ABCA10: variants seen among roughly 807,000 people sequenced by gnomAD.
The protein encoded by ABCA10 is ATP-binding cassette sub-family A member 10.
In ABCA10, 169 loss-of-function variants were observed where a neutral mutation model predicts 187.5. The observed-to-expected ratio is 0.90, with a 90% CI of 0.80 to 1.02. The LOEUF (loss-of-function observed/expected upper bound fraction) is 1.02. ABCA10 is among the 50% of genes least tolerant of loss of function. ABCA10 has a pLI of 0.00. For synonymous variants in ABCA10, 574 were observed against 601.8 expected (o/e 0.95, Z 0.68); for missense variants, 1,727 against 1,812.4 (o/e 0.95, Z 0.86).
At chr17:69,235,781 AG>A (rs201068782) in intron 1 of ABCA10, among the ~76,000 whole-genome samples, 113 of 146,096 alleles carry the variant, frequency 7.7e-4, no homozygotes, top group African/African-American at 1.6e-3. Flanking sequence ...TTTAAAAAAA[AG>A]AAAACAAAAA....
At chr17:69,208,040 G>T (rs1312140824) in intron 9 of ABCA10, among the ~76,000 whole-genome samples, 1 of 152,252 alleles carries the variant, frequency 6.6e-6, no homozygotes, top group Middle Eastern at 3.4e-3. Flanking sequence ...AATATATCAA[G>T]TTTTTGGCAA....
At chr17:69,175,286 G>A in intron 23 of ABCA10, 120 bp downstream of exon 23, 1 of 774,464 alleles carries the variant, frequency 1.3e-6, no homozygotes, top group Non-Finnish European at 2.0e-6. Context: ...ATATTAGATT[G>A]TAATGTATGT....
intron 29 of ABCA10, among the ~76,000 whole-genome samples, chr17:69,155,470 T>C (rs1244434840): frequency 6.6e-6 from 1 of 152,248 alleles, no homozygotes; most frequent in African/African-American, 2.4e-5. Flanking sequence ...TGCTATTCAG[T>C]TATTAATATT....
rs752079517 is a variant in ABCA10, at chr17:69,149,086, T to A, written c.4480A>T (p.Lys1494Ter). ...SRAFFKLEAM[K>*]QTFNLEEYSL... ...TATTCCTCCAGGTTGAAGGTCTGTTTCACTGCATGTAAAGAGACTGACATT... is the reference window on the plus strand; with the variant it reads ...TATTCCTCCAGGTTGAAGGTCTGTTACACTGCATGTAAAGAGACTGACATT... Residue 1494 changes from lysine (K) to a stop codon, truncating the protein, a stop_gained and splice_region_variant, in exon 38 of 39, where the codon AAA (lysine) becomes TAA (stop). Coordinates refer to ENST00000690296, the MANE Select transcript of ABCA10 (RefSeq NM_001377321.1). LOFTEE classifies it high-confidence loss of function. 6.8e-6 allele frequency: 11 copies of A among 1,613,820 alleles called. No homozygotes were observed. In the Admixed American group the frequency reaches 1.5e-4, roughly 22 times the overall value.
Position 69,164,115 on chromosome 17 carries a change from T to G in ABCA10, c.3322A>C (p.Ile1108Leu), listed in dbSNP as rs2074238413. Residue 1108 changes from isoleucine to leucine, a missense_variant, in exon 27 of 39, where the codon ATA becomes CTA. Physicochemically the swap from Ile to Leu is conservative, Grantham distance 5. Coordinates refer to ENST00000690296, the MANE Select transcript of ABCA10 (RefSeq NM_001377321.1). ...MRNLDSLDNRINEVNKTILLT... is the reference protein window; with the variant it reads ...MRNLDSLDNRLNEVNKTILLT... Reference sequence around the variant, plus strand: ...AGAATGGTTTTATTGACTTCATTTATTCTATTGTCCAGACTGTCCAAGTTT... The same window carrying G: ...AGAATGGTTTTATTGACTTCATTTAGTCTATTGTCCAGACTGTCCAAGTTT... The G allele has an allele frequency of 1.3e-5, 20 of 1,592,062 alleles. No homozygotes were observed. The highest frequency in any genetic ancestry group is 1.7e-5 in the Non-Finnish European group (20 of 1,172,776).
At chr17:69,169,218 C>A (rs977515940) in intron 25 of ABCA10, among the ~76,000 whole-genome samples, 1 of 152,154 alleles carries the variant, frequency 6.6e-6, no homozygotes, top group African/African-American at 2.4e-5. Flanking sequence ...AAGTGCCAGA[C>A]CACTGAGGAT....
In ABCA10 at chr17:69,221,781, T is replaced by C. The variant is rs1452744306; in HGVS notation, c.303+11A>G. Reference sequence around the variant, plus strand: ...CAGATTTAAAATATAGCTTTGAAGTTAGGCACTTACTTCTATAATTGCAGC... The same window carrying C: ...CAGATTTAAAATATAGCTTTGAAGTCAGGCACTTACTTCTATAATTGCAGC... On this transcript the variant is annotated intron_variant, in intron 5 of 38. Transcript: ENST00000690296. 1 of 1,593,890 alleles carries C rather than the reference T, an allele frequency of 6.3e-7. No individual in the cohort carries two copies. Among genetic ancestry groups the C allele is most frequent in the African/African-American group, 1.3e-5 (1 of 74,180 alleles).
At position 69,182,751 on chromosome 17, in the gene ABCA10, A is replaced by G; in HGVS notation, c.2555T>C (p.Ile852Thr). 1.9e-6 allele frequency: 3 copies of G among 1,612,458 alleles called. No individual in the cohort carries two copies. The highest frequency in any genetic ancestry group is 2.5e-6 in the Non-Finnish European group (3 of 1,179,258). The part of the protein sequence containing the change: ...SLKCQDIVLE[I>T]DDFRNRNGSD... ...GCCATTTCTGTTTCTAAAGTCATCT[A>G]TTTCCAAAACTATATCCTGACACTT... is the stretch of plus-strand genomic sequence containing the variant. Residue 852 changes from isoleucine to threonine, a missense_variant, in exon 21 of 39, where the codon ATA becomes ACA. Ile to Thr is a moderately conservative substitution (Grantham distance 89). Transcript: ENST00000690296.
intron 6 of ABCA10, among the ~76,000 whole-genome samples, chr17:69,216,597 C>T (rs1346083897): frequency 6.6e-6 from 1 of 152,032 alleles, no homozygotes; most frequent in African/African-American, 2.4e-5. Flanking sequence ...TGAGATAATG[C>T]TTTTGAAGAT....
intron 22 of ABCA10, among the ~76,000 whole-genome samples, chr17:69,181,268 A>C (rs2144788637): frequency 6.6e-6 from 1 of 152,322 alleles, no homozygotes; most frequent in Non-Finnish European, 1.5e-5. Context: ...GGTTTAAGAT[A>C]TCTCTGATAT....
chr17:69,231,875 C>A (rs1258500032), upstream of ABCA10, among the ~76,000 whole-genome samples: 1 of 152,068 alleles, frequency 6.6e-6, no homozygotes, highest in Admixed American at 6.6e-5. Context: ...TTATTTATTG[C>A]AGTATATTTG....
At position 69,165,006 on chromosome 17, in the gene ABCA10, T is replaced by C. The variant is rs1042201451; in HGVS notation, c.3240A>G (p.Ile1080Met). 6 of 1,613,150 alleles carry C rather than the reference T, an allele frequency of 3.7e-6. No individual in the cohort carries two copies. The African/African-American group carries it at 4.0e-5, about 11-fold the overall frequency. The change falls in exon 26 of 39, where the codon ATA becomes ATG. Residue 1080 changes from isoleucine (I) to methionine (M), a missense_variant. Transcript: ENST00000690296. ...KLNLILCMIF[I>M]PSFTLLGYVM... ...CATACCCCAGCAAAGTGAAGGAAGG[T>C]ATGAAAATCATGCACAAAATTAAGT... is the stretch of plus-strand genomic sequence containing the variant.
intron 1 of ABCA10, among the ~76,000 whole-genome samples, chr17:69,239,361 C>T (rs1320543567): frequency 6.6e-6 from 1 of 152,088 alleles, no homozygotes; most frequent in Non-Finnish European, 1.5e-5. Context: ...AACATGTGAG[C>T]TGCAAAAGAT....
intron 9 of ABCA10, among the ~76,000 whole-genome samples, chr17:69,208,675 G>A (rs1247774980): frequency 6.6e-6 from 1 of 152,078 alleles, no homozygotes; most frequent in Admixed American, 6.5e-5. Context: ...TAAAACAAGA[G>A]ATTCCAAAAG....
At chr17:69,201,262 G>C (rs1442203817) in intron 10 of ABCA10, among the ~76,000 whole-genome samples, 1 of 152,140 alleles carries the variant, frequency 6.6e-6, no homozygotes, top group South Asian at 2.1e-4. Flanking sequence ...TAAGTAGTGG[G>C]AGATGATAAT....
chr17:69,224,725 G>C (rs949689009), intron 3 of ABCA10, among the ~76,000 whole-genome samples: 3 of 148,506 alleles, frequency 2.0e-5, no homozygotes, highest in African/African-American at 7.4e-5. Context: ...CTAAGATCAA[G>C]GGCTGTGAAT....
At chr17:69,221,166 G>GGGAAATCAGGTGAATCTAT (rs2074744627) in intron 5 of ABCA10, among the ~76,000 whole-genome samples, 1 of 152,092 alleles carries the variant, frequency 6.6e-6, no homozygotes, top group African/African-American at 2.4e-5. Context: ...AAATGGAGAA[G>GGGAAATCAGGTGAATCTAT]GGAAATCAGG....
intron 25 of ABCA10, among the ~76,000 whole-genome samples, chr17:69,169,611 T>C (rs1480354150): frequency 3.3e-5 from 5 of 152,184 alleles, no homozygotes; most frequent in Admixed American, 2.0e-4. Flanking sequence ...AAAGCTACCA[T>C]AATTGAGACA....
intron 25 of ABCA10, among the ~76,000 whole-genome samples, chr17:69,167,858 C>T (rs2144771125): frequency 1.3e-5 from 2 of 152,064 alleles, no homozygotes; most frequent in East Asian, 3.9e-4. Flanking sequence ...AATAAAAAAG[C>T]AAAAAGTAAG....
Sources: gnomAD v4.1 joint callset for allele counts (sites outside exome capture counted in the v4.1 genomes callset) on GRCh38, gnomAD v4.1.1 for gene constraint, MANE v1.5 for transcripts, NCBI Gene and HGNC (gene_info 2026-07-23, HGNC 2026-07-21) for gene names.